ACSBG1: variants seen among roughly 807,000 people sequenced by gnomAD.
ACSBG1 encodes the protein long-chain-fatty-acid--CoA ligase ACSBG1.
In ACSBG1, 39 loss-of-function variants were observed where a neutral mutation model predicts 80.2. The ratio of observed to expected loss-of-function variants is 0.49; its 90% CI spans 0.38 to 0.64. The LOEUF (loss-of-function observed/expected upper bound fraction) is 0.64. ACSBG1 is among the 30% of genes least tolerant of loss of function. ACSBG1 has a pLI of 0.00. For synonymous variants in ACSBG1, 392 were observed against 379.5 expected, an observed-to-expected ratio of 1.03 and a Z score of -0.38; for missense variants, 828 against 966.4, an observed-to-expected ratio of 0.86 and a Z score of 1.90.
intron 9 of ACSBG1, 58 bp from the exon 10 acceptor site, chr15:78,179,838 C>T: frequency 1.6e-6 from 2 of 1,274,250 alleles, no homozygotes; most frequent in Non-Finnish European, 1.1e-6. Context: ...CACACACACA[C>T]ACACATACAC....
rs753432837 is a variant in ACSBG1, at chr15:78,171,342, T to C, written c.*102A>G. The C allele has an allele frequency of 1.6e-4, 143 of 918,846 alleles. No homozygotes were observed. The highest frequency in any genetic ancestry group is 2.3e-4 in the Non-Finnish European group (138 of 594,490). The allele number at this position is 918,846 out of a possible 1,614,324, so 56.9% of individuals were successfully genotyped here. The stretch of plus-strand genomic sequence containing the variant: ...GCCCTGACCTGGAGATCTAACAGAC[T>C]TGGCAGAAATGCCTGTGCCCAGACT... On this transcript the variant is annotated 3_prime_UTR_variant, in exon 14 of 14. Coordinates refer to ENST00000258873, the MANE Select transcript of ACSBG1 (RefSeq NM_015162.5).
At position 78,177,902 on chromosome 15, in the gene ACSBG1, C is replaced by T. The variant is rs1341511235; in HGVS notation, c.1702+712G>A. 6.6e-6 allele frequency among the ~76,000 whole-genome samples: 1 copy of T among 152,188 alleles called. No individual in the cohort carries two copies. Among genetic ancestry groups the T allele is most frequent in the East Asian group, 1.9e-4 (1 of 5,200 alleles). Reference sequence around the variant, plus strand: ...CAGAGGCATCCCCAACTATTTCTGTCTCTGTGGGAAGTTTGTCTTATTTTA... The same window carrying T: ...CAGAGGCATCCCCAACTATTTCTGTTTCTGTGGGAAGTTTGTCTTATTTTA... On this transcript the variant is annotated intron_variant, in intron 11 of 13. Coordinates refer to ENST00000258873, the MANE Select transcript of ACSBG1 (RefSeq NM_015162.5). The surrounding 1 kb of genome is among the most constrained non-coding windows in gnomAD (Gnocchi z 4.1).
rs550010448 is a variant in ACSBG1, at chr15:78,181,062, G to A, written c.1072-126C>T. 198 of 1,062,518 alleles carry A rather than the reference G, an allele frequency of 1.9e-4. No homozygotes were observed. The African/African-American group carries it at 4.0e-3, about 22-fold the overall frequency. 65.8% of individuals were successfully genotyped at this position (1,062,518 alleles called of 1,614,324 possible). On this transcript the variant is annotated intron_variant, in intron 8 of 13. Coordinates refer to ENST00000258873, the MANE Select transcript of ACSBG1 (RefSeq NM_015162.5). ...AACGGGCACCCACACACACCTGCAC[G>A]CAAGGGTGGCACATACTGTTTCCTC...
intron 1 of ACSBG1, among the ~76,000 whole-genome samples, chr15:78,223,503 T>C (rs938089296): frequency 2.6e-5 from 4 of 151,982 alleles, no homozygotes; most frequent in Admixed American, 2.6e-4. Context: ...GCTTAATGAG[T>C]CTATTTCAGG....
In ACSBG1 at chr15:78,182,079, C is replaced by T. The variant is rs866363261; in HGVS notation, c.961G>A (p.Val321Met). 3 of 1,613,614 alleles carry T rather than the reference C, an allele frequency of 1.9e-6. No homozygotes were observed. The African/African-American group carries it at 4.0e-5, about 22-fold the overall frequency. ...CTGAGGGGCAGGTAGCTGACTACCA[C>T]CTCCTGCTGGACTTCTGCCGGCCGG... ...DIRPAEVQQE[V>M]VVSYLPLSHI... Residue 321 changes from valine (V) to methionine (M), a missense_variant, in exon 8 of 14, where the codon GTG (valine) becomes ATG (methionine). Physicochemically the swap from Val to Met is conservative, Grantham distance 21 (BLOSUM62 1). Transcript: ENST00000258873.
At chr15:78,187,863 T>C (rs2075020603) in intron 5 of ACSBG1, among the ~76,000 whole-genome samples, 2 of 152,274 alleles carry the variant, frequency 1.3e-5, no homozygotes, top group African/African-American at 2.4e-5. Context: ...GGTATTCAAT[T>C]AGGGAAAGAG....
intron 8 of ACSBG1, 118 bp downstream of exon 8, chr15:78,181,851 T>C: frequency 3.7e-6 from 5 of 1,340,390 alleles, no homozygotes; most frequent in Non-Finnish European, 5.1e-6. Context: ...GCTGACAGAA[T>C]TCTGACTGAT....
chr15:78,222,568 C>T (rs1032127417), intron 1 of ACSBG1, among the ~76,000 whole-genome samples: 4 of 152,120 alleles, frequency 2.6e-5, no homozygotes, highest in African/African-American at 9.7e-5. Flanking sequence ...GAGGCTGAGG[C>T]AGGAAGATCA....
rs1204298194 is a variant in ACSBG1, at chr15:78,171,357, G to C, written c.*87C>G. The C allele has an allele frequency of 8.0e-6, 9 of 1,122,358 alleles. No individual in the cohort carries two copies. The highest frequency in any genetic ancestry group is 2.0e-5 in the Admixed American group (1 of 48,968). 69.5% of individuals were successfully genotyped at this position (1,122,358 alleles called of 1,614,324 possible). The stretch of plus-strand genomic sequence containing the variant: ...TCTAACAGACTTGGCAGAAATGCCT[G>C]TGCCCAGACTGAAGAGACCTGGGGC... On this transcript the variant is annotated 3_prime_UTR_variant, in exon 14 of 14. Coordinates refer to ENST00000258873, the MANE Select transcript of ACSBG1 (RefSeq NM_015162.5).
intron 1 of ACSBG1, among the ~76,000 whole-genome samples, chr15:78,218,794 C>CG (rs2075334073): frequency 2.6e-5 from 1 of 38,108 alleles, no homozygotes; most frequent in African/African-American, 9.9e-5. Context: ...TTTTTTGAGA[C>CG]GGAGTATCGC....
At chr15:78,192,855 G>C (rs978065483) in intron 5 of ACSBG1, among the ~76,000 whole-genome samples, 4 of 152,182 alleles carry the variant, frequency 2.6e-5, no homozygotes, top group Non-Finnish European at 4.4e-5. Context: ...GATGCAGGGA[G>C]CCCTTGAATG....
At position 78,188,123 on chromosome 15, in the gene ACSBG1, G is replaced by A. The variant is rs376195431; in HGVS notation, c.664-5338C>T. 1.5e-3 allele frequency among the ~76,000 whole-genome samples: 232 copies of A among 152,300 alleles called. 1 individual carries two copies. In the East Asian group the frequency reaches 0.023, roughly 15 times the overall value. On this transcript the variant is annotated intron_variant, in intron 5 of 13. Coordinates refer to ENST00000258873, the MANE Select transcript of ACSBG1 (RefSeq NM_015162.5). Reference sequence around the variant, plus strand: ...CCTAGGAATTCAACTTACAAGGGACGTGAAGGACCTCTTCAAGGAGAAGTA... The same window carrying A: ...CCTAGGAATTCAACTTACAAGGGACATGAAGGACCTCTTCAAGGAGAAGTA...
intron 5 of ACSBG1, among the ~76,000 whole-genome samples, chr15:78,184,832 T>A (rs778044697): frequency 1.3e-5 from 2 of 152,208 alleles, no homozygotes; most frequent in East Asian, 3.9e-4. Context: ...CCAGTGCCCA[T>A]ACGGTGTACA....
chr15:78,219,700 C>T (rs1420638761), intron 1 of ACSBG1, among the ~76,000 whole-genome samples: 3 of 152,080 alleles, frequency 2.0e-5, no homozygotes, highest in Admixed American at 6.6e-5. Context: ...TTCAAGAAGA[C>T]CTGGCCGGGC....
At chr15:78,232,767 T>A (rs2056306) in intron 1 of ACSBG1, among the ~76,000 whole-genome samples, 8 of 151,668 alleles carry the variant, frequency 5.3e-5, no homozygotes, top group Admixed American at 3.9e-4. Flanking sequence ...TCACTGCAAT[T>A]TCCACCTCCC....
intron 1 of ACSBG1, among the ~76,000 whole-genome samples, chr15:78,223,331 G>C (rs2075374342): frequency 6.6e-6 from 1 of 152,128 alleles, no homozygotes; most frequent in Non-Finnish European, 1.5e-5. Context: ...AATGCACGCT[G>C]GGCTTAATAC....
rs1453042066 is a variant in ACSBG1 at position 78,171,562 on chromosome 15, C to T, written c.2090-33G>A. The T allele has an allele frequency of 3.8e-6, 6 of 1,571,750 alleles. No individual in the cohort carries two copies. The Admixed American group carries it at 1.0e-4, about 26-fold the overall frequency. ...GGAAATGAGAAGAAATGAGTGAGGC[C>T]CAGGCTCTGAGAACTCTGAGAATGT... On this transcript the variant is annotated intron_variant, in intron 13 of 13. Coordinates refer to ENST00000258873, the MANE Select transcript of ACSBG1 (RefSeq NM_015162.5).
chr15:78,228,659 C>T (rs983904123), intron 1 of ACSBG1, among the ~76,000 whole-genome samples: 4 of 152,340 alleles, frequency 2.6e-5, no homozygotes, highest in Admixed American at 1.3e-4. Context: ...TAGAGACTCA[C>T]GCTTTCCATG....
At chr15:78,222,250 C>T (rs1044860107) in intron 1 of ACSBG1, among the ~76,000 whole-genome samples, 30 of 152,144 alleles carry the variant, frequency 2.0e-4, no homozygotes, top group Non-Finnish European at 4.4e-5. Context: ...ATAAGCAAAT[C>T]TATAGAGACA....
Sources: allele counts gnomAD v4.1 joint callset (sites outside exome capture counted in the v4.1 genomes callset), GRCh38; gene constraint gnomAD v4.1.1; non-coding constraint Gnocchi (gnomAD v3.1); transcripts MANE v1.5; gene names NCBI Gene and HGNC (gene_info 2026-07-23, HGNC 2026-07-21).